NR5A2: variants seen among roughly 807,000 people sequenced by gnomAD.
NR5A2 encodes the protein CYP7A promoter-binding factor.
A neutral mutation model predicts 62.7 loss-of-function variants in NR5A2; 26 were observed. The observed-to-expected ratio is 0.41, with a 90% CI of 0.30 to 0.58. The LOEUF is 0.58. Among genes scored for constraint, NR5A2 ranks in the 20% least tolerant of loss-of-function variants. The pLI is 0.22. For synonymous variants in NR5A2, 246 were observed against 241.7 expected (o/e 1.02, Z -0.16); for missense variants, 541 against 669.1 (o/e 0.81, Z 2.11).
chr1:200,165,636 A>G (rs76447080), intron 7 of NR5A2, among the ~76,000 whole-genome samples: 2,330 of 152,266 alleles, frequency 0.015, 29 homozygotes, highest in South Asian at 0.052. Flanking sequence ...CTTTCATTTA[A>G]TAATACACAT....
rs150175202 is a variant in NR5A2, at chr1:200,150,173, C to T, written c.1379-23790C>T. On this transcript the variant is annotated intron_variant, in intron 7 of 7. Coordinates refer to ENST00000367362, the MANE Select transcript of NR5A2 (RefSeq NM_205860.3). ...TTTTGTTATGTCAATTCATGAAATC[C>T]CCAGAATGACACATAAAAGGAAACC... is the stretch of plus-strand genomic sequence containing the variant. 2.7e-3 allele frequency among the ~76,000 whole-genome samples: 407 copies of T among 152,198 alleles called. 1 individual carries two copies. Among genetic ancestry groups the T allele is most frequent in the Non-Finnish European group, 4.3e-3 (294 of 67,998 alleles).
chr1:200,032,414 G>A (rs908372130), intron 1 of NR5A2, among the ~76,000 whole-genome samples: 10 of 152,186 alleles, frequency 6.6e-5, no homozygotes, highest in Non-Finnish European at 5.9e-5. Flanking sequence ...TGATAAGTAA[G>A]AAAAGATATT....
intron 2 of NR5A2, among the ~76,000 whole-genome samples, chr1:200,040,814 C>T (rs1662032407): frequency 6.6e-6 from 1 of 152,244 alleles, no homozygotes; most frequent in South Asian, 2.1e-4. Flanking sequence ...CGCCCGGGCG[C>T]TCAGGCCGGG....
At chr1:200,035,261 G>T (rs1470563329) in intron 1 of NR5A2, among the ~76,000 whole-genome samples, 1 of 152,174 alleles carries the variant, frequency 6.6e-6, no homozygotes, top group Non-Finnish European at 1.5e-5. Context: ...CAAAAAGTGG[G>T]AATGGAAGAG....
intron 7 of NR5A2, among the ~76,000 whole-genome samples, chr1:200,154,728 A>T (rs1653297297): frequency 6.6e-6 from 1 of 152,214 alleles, no homozygotes; most frequent in African/African-American, 2.4e-5. Flanking sequence ...AAAGAAAGGC[A>T]TTATGAGAGT....
At chr1:200,043,187 T>A (rs1382446843) in intron 2 of NR5A2, among the ~76,000 whole-genome samples, 1 of 152,222 alleles carries the variant, frequency 6.6e-6, no homozygotes, top group Non-Finnish European at 1.5e-5. Flanking sequence ...CGGAACTGAA[T>A]GTTTCGATTA....
intron 7 of NR5A2, among the ~76,000 whole-genome samples, chr1:200,156,688 C>T (rs1423836462): frequency 6.6e-6 from 1 of 152,116 alleles, no homozygotes; most frequent in African/African-American, 2.4e-5. Context: ...TGAGCCACCG[C>T]ACCTGGCCCA....
chr1:200,028,447 A>T (rs1476523734), intron 1 of NR5A2, among the ~76,000 whole-genome samples: 1 of 148,556 alleles, frequency 6.7e-6, no homozygotes, highest in Non-Finnish European at 1.5e-5. Flanking sequence ...AAAAAAACCA[A>T]AAAAACTAGA....
At chr1:200,104,190 C>T (rs1665534818) in intron 5 of NR5A2, among the ~76,000 whole-genome samples, 1 of 152,196 alleles carries the variant, frequency 6.6e-6, no homozygotes, top group African/African-American at 2.4e-5. Context: ...CCCCAGTTAT[C>T]TCTGGGCAGG....
chr1:200,130,436 C>G (rs546200029), intron 7 of NR5A2, among the ~76,000 whole-genome samples: 36 of 152,124 alleles, frequency 2.4e-4, no homozygotes, highest in Non-Finnish European at 4.3e-4. Context: ...ACCAGGTGTA[C>G]CATTTGCTAT....
chr1:200,050,155 A>G (rs1343869908), intron 5 of NR5A2, among the ~76,000 whole-genome samples: 1 of 152,218 alleles, frequency 6.6e-6, no homozygotes, highest in Non-Finnish European at 1.5e-5. Flanking sequence ...AGTATGTGTT[A>G]GGGTTTGTAA....
At chr1:200,103,914 G>A (rs147227790) in intron 5 of NR5A2, among the ~76,000 whole-genome samples, 40 of 152,318 alleles carry the variant, frequency 2.6e-4, no homozygotes, top group African/African-American at 9.4e-4. Flanking sequence ...AGAGGGAGAA[G>A]TATGGAGATG....
At chr1:200,156,956 C>T (rs894275218) in intron 7 of NR5A2, among the ~76,000 whole-genome samples, 2 of 152,022 alleles carry the variant, frequency 1.3e-5, no homozygotes, top group African/African-American at 4.8e-5. Flanking sequence ...TCTATATTGC[C>T]GACATCTTAA....
intron 5 of NR5A2, among the ~76,000 whole-genome samples, chr1:200,091,484 C>CTTTTTT (rs35491701): frequency 3.2e-5 from 4 of 126,510 alleles, no homozygotes; most frequent in African/African-American, 5.9e-5. Flanking sequence ...TGCTCTCTTT[C>CTTTTTT]TTTTTTTTTT....
At chr1:200,095,938 G>A (rs777447633) in intron 5 of NR5A2, among the ~76,000 whole-genome samples, 9 of 152,110 alleles carry the variant, frequency 5.9e-5, no homozygotes, top group Non-Finnish European at 1.2e-4. Flanking sequence ...TACTAGATGG[G>A]CCTGAAAATG....
intron 5 of NR5A2, among the ~76,000 whole-genome samples, chr1:200,097,226 T>TA (rs1400585657): frequency 6.6e-6 from 1 of 152,228 alleles, no homozygotes; most frequent in Non-Finnish European, 1.5e-5. Flanking sequence ...TTTCTTTTTT[T>TA]AAAATAAACC....
At chr1:200,067,464 G>A (rs1663539916) in intron 5 of NR5A2, among the ~76,000 whole-genome samples, 1 of 152,230 alleles carries the variant, frequency 6.6e-6, no homozygotes, top group African/African-American at 2.4e-5. Context: ...GCTGAGGCAG[G>A]ACAGTTGCTT....
At chr1:200,168,935 G>A (rs983872967) in intron 7 of NR5A2, among the ~76,000 whole-genome samples, 2 of 152,044 alleles carry the variant, frequency 1.3e-5, no homozygotes, top group Admixed American at 6.6e-5. Context: ...AGGGCAAATC[G>A]TGTGACAGTT....
In NR5A2 at chr1:200,027,740, G is replaced by A. The variant is rs993750317; in HGVS notation, c.-108G>A. 3 of 599,674 alleles carry A rather than the reference G, an allele frequency of 5.0e-6. No individual in the cohort carries two copies. Among genetic ancestry groups the A allele is most frequent in the African/African-American group, 3.8e-5 (2 of 52,492 alleles). The allele number at this position is 599,674 out of a possible 1,614,324, so 37.1% of individuals were successfully genotyped here. ...TTCTTAACTTTCACTAAGGGTTACT[G>A]TAGTCTGATGTGTCCTTCCCAAGGC... On this transcript the variant is annotated 5_prime_UTR_variant, in exon 1 of 8. Coordinates refer to ENST00000367362, the MANE Select transcript of NR5A2 (RefSeq NM_205860.3).
Sources: allele counts gnomAD v4.1 joint callset (sites outside exome capture counted in the v4.1 genomes callset), GRCh38; gene constraint gnomAD v4.1.1; transcripts MANE v1.5; gene names NCBI Gene and HGNC (gene_info 2026-07-23, HGNC 2026-07-21).